Variants in CCDC102B observed in about 807,000 individuals in gnomAD.
CCDC102B encodes coiled-coil domain containing 102B.
Under a neutral mutation model 57.4 loss-of-function variants are expected in CCDC102B, and 75 were observed. That is an observed-to-expected ratio of 1.31 (90% CI 1.08 to 1.58). The LOEUF (loss-of-function observed/expected upper bound fraction) is 1.58. Among genes scored for constraint, CCDC102B ranks in the 40% most tolerant of loss-of-function variants. The probability of loss-of-function intolerance (pLI) is 0.00; values close to 1 mark genes in which losing one functional copy is unlikely to be tolerated. For synonymous variants in CCDC102B, 206 were observed against 201.9 expected (o/e 1.02, Z -0.17); for missense variants, 636 against 582.6 (o/e 1.09, Z -0.94).
chr18:68,739,252 T>C (rs1378421574), intron 2 of CCDC102B, among the ~76,000 whole-genome samples: 1 of 152,226 alleles, frequency 6.6e-6, no homozygotes, highest in Non-Finnish European at 1.5e-5. Context: ...CAACTTGGCC[T>C]CCTAAAGTGC....
intron 6 of CCDC102B, among the ~76,000 whole-genome samples, chr18:68,977,433 A>G (rs1411019044): frequency 6.6e-6 from 1 of 151,808 alleles, no homozygotes. Context: ...ATGCCCTGAC[A>G]GGCCCCAGTG....
At chr18:68,842,286 T>G (rs2037669202) in intron 3 of CCDC102B, among the ~76,000 whole-genome samples, 1 of 151,660 alleles carries the variant, frequency 6.6e-6, no homozygotes, top group Admixed American at 6.6e-5. Context: ...CAAATCTGGT[T>G]AATACTATTT....
intron 6 of CCDC102B, among the ~76,000 whole-genome samples, chr18:68,927,512 A>G (rs2041513507): frequency 6.6e-6 from 1 of 151,962 alleles, no homozygotes; most frequent in Non-Finnish European, 1.5e-5. Flanking sequence ...TCATTATATG[A>G]CATTATATTG....
At chr18:68,982,525 C>T (rs1417623801) in intron 6 of CCDC102B, among the ~76,000 whole-genome samples, 1 of 151,898 alleles carries the variant, frequency 6.6e-6, no homozygotes, top group African/African-American at 2.4e-5. Context: ...TATAACAAGG[C>T]ACTCTGATTT....
intron 2 of CCDC102B, among the ~76,000 whole-genome samples, chr18:68,769,484 A>G (rs911179505): frequency 3.9e-5 from 6 of 152,108 alleles, no homozygotes; most frequent in African/African-American, 1.4e-4. Flanking sequence ...AGCACACCTC[A>G]TCTTCTGCTT....
At chr18:68,876,820 G>A (rs1316847571) in intron 5 of CCDC102B, among the ~76,000 whole-genome samples, 1 of 152,118 alleles carries the variant, frequency 6.6e-6, no homozygotes, top group South Asian at 2.1e-4. Flanking sequence ...AAAAATAACA[G>A]TCTGGGAAAA....
At chr18:68,735,969 C>T (rs1300142156) in intron 2 of CCDC102B, among the ~76,000 whole-genome samples, 1 of 152,182 alleles carries the variant, frequency 6.6e-6, no homozygotes, top group Non-Finnish European at 1.5e-5. Context: ...GGCTTGTCAG[C>T]AGCATTCTTT....
intron 5 of CCDC102B, among the ~76,000 whole-genome samples, chr18:68,875,193 TA>T (rs1468731692): frequency 6.6e-6 from 1 of 152,116 alleles, no homozygotes; most frequent in African/African-American, 2.4e-5. Context: ...AGAGATAAAA[TA>T]AATTCACTTT....
chr18:68,810,691 T>TTTTTTTG (rs2036222363), intron 1 of CCDC102B, among the ~76,000 whole-genome samples: 2 of 142,554 alleles, frequency 1.4e-5, no homozygotes, highest in East Asian at 2.0e-4. Context: ...TTTTTTTTTT[T>TTTTTTTG]TTTTTTTTTT....
chr18:69,037,275 T>C (rs907846529), intron 7 of CCDC102B, among the ~76,000 whole-genome samples: 8 of 151,988 alleles, frequency 5.3e-5, no homozygotes, highest in African/African-American at 1.9e-4. Flanking sequence ...AACACATCCA[T>C]ATACACACAC....
At chr18:68,862,769 G>C (rs1406800569) in intron 4 of CCDC102B, among the ~76,000 whole-genome samples, 1 of 151,868 alleles carries the variant, frequency 6.6e-6, no homozygotes, top group Non-Finnish European at 1.5e-5. Flanking sequence ...ATAGAGAGTG[G>C]GCATAGAGTT....
At chr18:68,973,196 T>G (rs1403857024) in intron 6 of CCDC102B, among the ~76,000 whole-genome samples, 2 of 152,244 alleles carry the variant, frequency 1.3e-5, no homozygotes, top group East Asian at 3.9e-4. Flanking sequence ...CTTAATTCCT[T>G]GTTTGATGGA....
At chr18:69,045,832 C>T (rs1335952689) in intron 7 of CCDC102B, among the ~76,000 whole-genome samples, 7 of 152,074 alleles carry the variant, frequency 4.6e-5, no homozygotes. Context: ...TGTTTAGCTC[C>T]CACTTATGTG....
At chr18:68,977,699 T>C (rs2050476884) in intron 6 of CCDC102B, among the ~76,000 whole-genome samples, 1 of 152,022 alleles carries the variant, frequency 6.6e-6, no homozygotes, top group South Asian at 2.1e-4. Context: ...GTCTGTGGAA[T>C]ATCCTGCTTA....
At chr18:68,783,023 T>C (rs2144638837) in intron 2 of CCDC102B, among the ~76,000 whole-genome samples, 1 of 152,318 alleles carries the variant, frequency 6.6e-6, no homozygotes, top group Middle Eastern at 3.4e-3. Flanking sequence ...CTAGAGATTC[T>C]CTTTTGCAGA....
In CCDC102B at chr18:68,792,033, TGGTCCA is replaced by T. The variant is rs200464572; in HGVS notation, c.-66-31332_-66-31327del. ...CAGCCTCACATAACAAAGCATTATCTGGTCCAAAGGTCCACAGTGCTGAGTTGGAGA... is the reference window on the plus strand; with the variant it reads ...CAGCCTCACATAACAAAGCATTATCTAAGGTCCACAGTGCTGAGTTGGAGA... On this transcript the variant is annotated intron_variant, in intron 2 of 3. Transcript: ENST00000578970. Among the ~76,000 whole-genome samples the T allele has an allele frequency of 1.7e-4, 26 of 152,318 alleles. No homozygotes were observed. In the East Asian group the frequency reaches 2.9e-3, roughly 17 times the overall value.
intron 6 of CCDC102B, among the ~76,000 whole-genome samples, chr18:68,972,216 C>T (rs902949297): frequency 6.6e-6 from 1 of 152,126 alleles, no homozygotes; most frequent in African/African-American, 2.4e-5. Flanking sequence ...CCTGTTTCCA[C>T]GTAGGTTTCT....
chr18:68,964,382 A>G (rs1037797067), intron 6 of CCDC102B, among the ~76,000 whole-genome samples: 1 of 148,720 alleles, frequency 6.7e-6, no homozygotes, highest in African/African-American at 2.5e-5. Flanking sequence ...GAGATGAATA[A>G]TAACATCTAA....
At chr18:69,050,821 A>G (rs1416393758) in intron 7 of CCDC102B, among the ~76,000 whole-genome samples, 2 of 152,184 alleles carry the variant, frequency 1.3e-5, no homozygotes, top group Non-Finnish European at 2.9e-5. Context: ...AGGAAAAAAA[A>G]GGCTAATTTT....
Sources: gnomAD v4.1 joint callset for allele counts (sites outside exome capture counted in the v4.1 genomes callset) on GRCh38, gnomAD v4.1.1 for gene constraint, MANE v1.5 for transcripts, NCBI Gene and HGNC (gene_info 2026-07-23, HGNC 2026-07-21) for gene names.